The following ZNF804A variants were observed in gnomAD, a reference collection of about 807,000 sequenced individuals.
ZNF804A encodes zinc finger protein 804A.
In ZNF804A, 2 loss-of-function variants were observed where a neutral mutation model predicts 16.5. The ratio of observed to expected loss-of-function variants is 0.12; its 90% CI spans 0.05 to 0.38. The LOEUF (loss-of-function observed/expected upper bound fraction) is 0.38, where lower values mean the gene tolerates loss of function less well. ZNF804A is among the 10% of genes least tolerant of loss of function. ZNF804A has a pLI of 0.99. For missense variants in ZNF804A, 1,473 were observed against 1,390.7 expected (o/e 1.06, Z -0.94); for synonymous variants, 534 against 489.6 (o/e 1.09, Z -1.20).
intron 1 of ZNF804A, among the ~76,000 whole-genome samples, chr2:184,817,175 A>T (rs1457039070): frequency 6.6e-6 from 1 of 151,904 alleles, no homozygotes; most frequent in Non-Finnish European, 1.5e-5. Flanking sequence ...CCTTTCTGGG[A>T]CAGAGCTCCC....
Position 184,686,146 on chromosome 2 carries a change from C to T in ZNF804A, c.111+87076C>T, listed in dbSNP as rs138124326. Among the ~76,000 whole-genome samples the T allele has an allele frequency of 6.9e-3, 1,050 of 152,272 alleles. 9 individuals are homozygous for T. The highest frequency in any genetic ancestry group is 0.011 in the Non-Finnish European group (765 of 68,002). Reference sequence around the variant, plus strand: ...ACAGGAACAGGCACTTCTGAGCTTGCGGGGCAGGGGCTTCCCAGGCCCCCA... The same window carrying T: ...ACAGGAACAGGCACTTCTGAGCTTGTGGGGCAGGGGCTTCCCAGGCCCCCA... On this transcript the variant is annotated intron_variant, in intron 1 of 3. Coordinates refer to ENST00000302277, the MANE Select transcript of ZNF804A (RefSeq NM_194250.2).
At chr2:184,730,079 A>G (rs1693487885) in intron 1 of ZNF804A, among the ~76,000 whole-genome samples, 1 of 152,110 alleles carries the variant, frequency 6.6e-6, no homozygotes, top group Non-Finnish European at 1.5e-5. Flanking sequence ...ACTCCTTAAG[A>G]GATTATTTTG....
chr2:184,710,270 C>T (rs1364778733), intron 1 of ZNF804A, among the ~76,000 whole-genome samples: 1 of 151,616 alleles, frequency 6.6e-6, no homozygotes, highest in East Asian at 1.9e-4. Context: ...ATCCATCACC[C>T]TCAAATATAC....
intron 1 of ZNF804A, among the ~76,000 whole-genome samples, chr2:184,836,683 GTATATA>G (rs71908465): frequency 1.4e-5 from 2 of 147,856 alleles, no homozygotes; most frequent in Non-Finnish European, 3.0e-5. Flanking sequence ...TTGTGTGTGT[GTATATA>G]TATATATATT....
intron 1 of ZNF804A, among the ~76,000 whole-genome samples, chr2:184,611,665 G>T (rs1691241540): frequency 2.0e-5 from 3 of 149,858 alleles, no homozygotes; most frequent in East Asian, 3.9e-4. Context: ...TTTACACTAG[G>T]GGGCGACATA....
chr2:184,830,689 A>G (rs561330620), intron 1 of ZNF804A, among the ~76,000 whole-genome samples: 13 of 152,254 alleles, frequency 8.5e-5, no homozygotes, highest in Admixed American at 4.6e-4. Context: ...CTGTTAGTAC[A>G]CAAGTGAGAT....
chr2:184,846,966 A>C (rs1213135839), intron 1 of ZNF804A, among the ~76,000 whole-genome samples: 1 of 152,142 alleles, frequency 6.6e-6, no homozygotes, highest in African/African-American at 2.4e-5. Flanking sequence ...CTAAGGTTAG[A>C]AACCATGCTG....
At chr2:184,858,065 G>A (rs748797955) in intron 1 of ZNF804A, among the ~76,000 whole-genome samples, 1 of 151,904 alleles carries the variant, frequency 6.6e-6, no homozygotes, top group Non-Finnish European at 1.5e-5. Flanking sequence ...CCCTTCCATT[G>A]TGATGAAGTA....
intron 1 of ZNF804A, among the ~76,000 whole-genome samples, chr2:184,652,208 T>A (rs1691995882): frequency 6.6e-6 from 1 of 152,120 alleles, no homozygotes; most frequent in Non-Finnish European, 1.5e-5. Flanking sequence ...ACACTGTATG[T>A]TTTCACTTAT....
chr2:184,840,442 C>CA (rs1315317171), intron 1 of ZNF804A, among the ~76,000 whole-genome samples: 4 of 151,894 alleles, frequency 2.6e-5, no homozygotes, highest in Non-Finnish European at 5.9e-5. Flanking sequence ...TTATTCTCTG[C>CA]AAAAATCAGT....
intron 1 of ZNF804A, among the ~76,000 whole-genome samples, chr2:184,647,633 A>C (rs1691903620): frequency 6.6e-6 from 1 of 152,226 alleles, no homozygotes; most frequent in Admixed American, 6.5e-5. Flanking sequence ...ATCAGGCAGA[A>C]GATAGAATGT....
intron 1 of ZNF804A, among the ~76,000 whole-genome samples, chr2:184,661,244 A>C (rs1396915780): frequency 6.6e-6 from 1 of 152,096 alleles, no homozygotes; most frequent in Non-Finnish European, 1.5e-5. Flanking sequence ...CCCACAGCTC[A>C]GCATGCCAGC....
intron 1 of ZNF804A, among the ~76,000 whole-genome samples, chr2:184,638,462 A>T (rs961793356): frequency 6.6e-6 from 1 of 152,178 alleles, no homozygotes; most frequent in Admixed American, 6.5e-5. Context: ...GTGTGGTATA[A>T]AAAATACCTT....
chr2:184,753,693 T>A (rs895665536), intron 1 of ZNF804A, among the ~76,000 whole-genome samples: 5 of 150,904 alleles, frequency 3.3e-5, no homozygotes, highest in Non-Finnish European at 7.4e-5. Context: ...TGAACACTCT[T>A]TCTAAATCCA....
intron 2 of ZNF804A, among the ~76,000 whole-genome samples, chr2:184,875,419 T>C (rs1696038987): frequency 6.6e-6 from 1 of 152,100 alleles, no homozygotes. Flanking sequence ...CTCCTCCCTC[T>C]CTTTCTTGTG....
Position 184,938,330 on chromosome 2 carries a change from CCT to C in ZNF804A, c.2935_2936del (p.Leu979SerfsTer7). 1.2e-6 allele frequency: 2 copies of C among 1,614,052 alleles called. No homozygotes were observed. Among genetic ancestry groups the C allele is most frequent in the Non-Finnish European group, 1.7e-6 (2 of 1,180,000 alleles). Reference sequence around the variant, plus strand: ...TTTGCCATTATGAACTGGCTGAGGCCCTTCCACAAGGAAAGATGAATGAGACA... The same window carrying C: ...TTTGCCATTATGAACTGGCTGAGGCCTCCACAAGGAAAGATGAATGAGACA... ...YLCHYELAEA[L>X]PQGKMNETPT... On this transcript the variant is annotated frameshift_variant, in exon 4 of 4. Transcript: ENST00000302277. LOFTEE classifies it low-confidence loss of function (END_TRUNC).
chr2:184,917,048 TA>T (rs1318340938), intron 2 of ZNF804A, among the ~76,000 whole-genome samples: 1 of 152,146 alleles, frequency 6.6e-6, no homozygotes, highest in Non-Finnish European at 1.5e-5. Context: ...TCTACTGATT[TA>T]AATATCGATA....
intron 2 of ZNF804A, among the ~76,000 whole-genome samples, chr2:184,897,203 A>G (rs1685083149): frequency 6.6e-6 from 1 of 152,140 alleles, no homozygotes; most frequent in African/African-American, 2.4e-5. Flanking sequence ...AAAACCACAG[A>G]GGAAAATACC....
intron 1 of ZNF804A, among the ~76,000 whole-genome samples, chr2:184,691,473 A>G: frequency 6.6e-6 from 1 of 151,584 alleles, no homozygotes; most frequent in Non-Finnish European, 1.5e-5. Context: ...TTACTATTTT[A>G]TTTTTATTTA....
Sources: allele counts gnomAD v4.1 joint callset (sites outside exome capture counted in the v4.1 genomes callset), GRCh38; gene constraint gnomAD v4.1.1; transcripts MANE v1.5; gene names NCBI Gene and HGNC (gene_info 2026-07-23, HGNC 2026-07-21).